Variants in SGCE observed in about 807,000 individuals in gnomAD.
The protein encoded by SGCE is epsilon-sarcoglycan.
SGCE carries 26 observed loss-of-function variants against 57.8 expected under a neutral mutation model. That is an observed-to-expected ratio of 0.45 (90% CI 0.33 to 0.62). The LOEUF (loss-of-function observed/expected upper bound fraction) is 0.62, where lower values mean the gene tolerates loss of function less well. Among genes scored for constraint, SGCE ranks in the 20% least tolerant of loss-of-function variants. SGCE has a pLI of 0.02. For synonymous variants in SGCE, 183 were observed against 189.5 expected (o/e 0.97, Z 0.28); for missense variants, 468 against 548.6 (o/e 0.85, Z 1.47).
chr7:94,613,623 C>G (rs34173737), intron 5 of SGCE, among the ~76,000 whole-genome samples: 20,437 of 152,064 alleles, frequency 0.13, 1,534 homozygotes, highest in South Asian at 0.25. Flanking sequence ...GAGGCCTTTA[C>G]ATTTATAATG....
intron 1 of SGCE, among the ~76,000 whole-genome samples, chr7:94,653,852 G>C (rs1185896151): frequency 6.6e-6 from 1 of 151,782 alleles, no homozygotes; most frequent in Non-Finnish European, 1.5e-5. Context: ...TACTAAGGTT[G>C]TTCATTTAAA....
At chr7:94,612,530 T>C (rs1349804354) in intron 5 of SGCE, among the ~76,000 whole-genome samples, 1 of 152,206 alleles carries the variant, frequency 6.6e-6, no homozygotes, top group African/African-American at 2.4e-5. Context: ...TAAGTACACA[T>C]GATTTATTCC....
At position 94,631,689 on chromosome 7, in the gene SGCE, C is replaced by T. The variant is rs1804753196; in HGVS notation, c.110-1848G>A. Among the ~76,000 whole-genome samples, 4 of 151,566 alleles carry T rather than the reference C, an allele frequency of 2.6e-5. No individual in the cohort carries two copies. In the South Asian group the frequency reaches 6.2e-4, roughly 24 times the overall value. Reference sequence around the variant, plus strand: ...GGGAATTAAGTCAGTAATGCTGGATCCTGGGGTAAATTTAAGGTAGGGGGA... The same window carrying T: ...GGGAATTAAGTCAGTAATGCTGGATTCTGGGGTAAATTTAAGGTAGGGGGA... On this transcript the variant is annotated intron_variant, in intron 1 of 10. Coordinates refer to ENST00000648936, the MANE Select transcript of SGCE (RefSeq NM_003919.3).
chr7:94,594,793 C>T (rs1356135330), intron 9 of SGCE, among the ~76,000 whole-genome samples: 1 of 152,182 alleles, frequency 6.6e-6, no homozygotes, highest in East Asian at 1.9e-4. Flanking sequence ...ACACATTAGC[C>T]AAGATCAAAT....
At chr7:94,590,503 T>C (rs1797532332) in intron 9 of SGCE, 1 of 152,218 alleles carries the variant, frequency 6.6e-6, no homozygotes, top group African/African-American at 2.4e-5. Context: ...AACTTACAGA[T>C]TTAGTTTCAC....
intron 1 of SGCE, among the ~76,000 whole-genome samples, chr7:94,650,265 GACCCT>G (rs1457927825): frequency 6.6e-6 from 1 of 152,180 alleles, no homozygotes; most frequent in Non-Finnish European, 1.5e-5. Context: ...TTGCAGAAGG[GACCCT>G]ATTTCCCTCT....
chr7:94,631,380 G>C (rs1349945157), intron 1 of SGCE, among the ~76,000 whole-genome samples: 2 of 151,770 alleles, frequency 1.3e-5, no homozygotes, highest in Non-Finnish European at 2.9e-5. Context: ...AAGAGACCCT[G>C]CCACTGCTTT....
chr7:94,631,376 C>A (rs1013027513), intron 1 of SGCE, among the ~76,000 whole-genome samples: 1 of 151,716 alleles, frequency 6.6e-6, no homozygotes, highest in Non-Finnish European at 1.5e-5. Context: ...ATGAAAGAGA[C>A]CCTGCCACTG....
In SGCE at chr7:94,596,123, C is replaced by G. The variant is rs569758620; in HGVS notation, c.1253+2652G>C. Among the ~76,000 whole-genome samples the G allele has an allele frequency of 2.0e-5, 3 of 152,122 alleles. No individual in the cohort carries two copies. In the South Asian group the frequency reaches 6.2e-4, roughly 32 times the overall value. On this transcript the variant is annotated intron_variant, in intron 9 of 10. Coordinates refer to ENST00000648936, the MANE Select transcript of SGCE (RefSeq NM_003919.3). Reference sequence around the variant, plus strand: ...AATTGTTGCAAGTTCAATATAATAGCCTATTGCATTTGCAAATAGAGAGAT... The same window carrying G: ...AATTGTTGCAAGTTCAATATAATAGGCTATTGCATTTGCAAATAGAGAGAT...
At chr7:94,603,509 AC>A (rs1213876839) in intron 5 of SGCE, 57 bp from the exon 6 acceptor site, 13 of 1,512,974 alleles carry the variant, frequency 8.6e-6, no homozygotes, top group Non-Finnish European at 1.2e-5. Context: ...ACACTAAAAA[AC>A]AATCCACCTT....
At chr7:94,642,145 G>C (rs1281813131) in intron 1 of SGCE, among the ~76,000 whole-genome samples, 1 of 151,910 alleles carries the variant, frequency 6.6e-6, no homozygotes, top group Non-Finnish European at 1.5e-5. Flanking sequence ...AAAATCCACA[G>C]CACCCCCCAA....
intron 7 of SGCE, chr7:94,599,993 A>C (rs1798970436): frequency 3.0e-6 from 1 of 331,154 alleles, no homozygotes; most frequent in African/African-American, 2.1e-5. Flanking sequence ...ACATAATGAA[A>C]TCAAGCTACA....
rs770713386 is a variant in SGCE, at chr7:94,623,292, A to C, written c.463+33T>G. 2.3e-6 allele frequency: 3 copies of C among 1,298,718 alleles called. No individual in the cohort carries two copies. The Admixed American group carries it at 5.5e-5, about 24-fold the overall frequency. The allele number at this position is 1,298,718 out of a possible 1,614,324, so 80.4% of individuals were successfully genotyped here. A position where few individuals can be genotyped will look rare whatever the true frequency, so the allele number is the denominator to read the frequency against. ...AAAACATAATGAAATACTTCTTATA[A>C]ATAAGAAATGATCAACATATTTTCA... On this transcript the variant is annotated intron_variant, in intron 4 of 10. Transcript: ENST00000648936.
In SGCE at chr7:94,603,349, T is replaced by C. The variant is rs1584546346; in HGVS notation, c.766A>G (p.Ile256Val). Reference protein sequence around the residue: ...LRCSQEMEPVITCDKKFRTQF... With the variant: ...LRCSQEMEPVVTCDKKFRTQF... ...GTACGAAATTTTTTATCACATGTTA[T>C]TACAGGCTCCATTTCTTGACTACAT... Residue 256 changes from isoleucine (I) to valine (V), a missense_variant, in exon 6 of 11, where the codon ATA becomes GTA. Ile to Val is a conservative substitution (Grantham distance 29, BLOSUM62 3). Coordinates refer to ENST00000648936, the MANE Select transcript of SGCE (RefSeq NM_003919.3). The C allele has an allele frequency of 9.3e-6, 15 of 1,612,778 alleles. No individual in the cohort carries two copies. The highest frequency in any genetic ancestry group is 6.7e-5 in the East Asian group (3 of 44,796).
intron 1 of SGCE, among the ~76,000 whole-genome samples, chr7:94,635,355 G>T (rs1007605683): frequency 2.0e-5 from 3 of 152,118 alleles, no homozygotes; most frequent in Non-Finnish European, 4.4e-5. Context: ...GTATGTTGAG[G>T]ATACAAAGAG....
Position 94,604,861 on chromosome 7 carries a change from T to A in SGCE, c.663-1409A>T, listed in dbSNP as rs1456509292. Among the ~76,000 whole-genome samples the A allele has an allele frequency of 4.3e-5, 3 of 69,324 alleles. No homozygotes were observed. The Admixed American group carries it at 4.7e-4, about 11-fold the overall frequency. 45.5% of individuals were successfully genotyped at this position (69,324 alleles called of 152,430 possible). On this transcript the variant is annotated intron_variant, in intron 5 of 10. Coordinates refer to ENST00000648936, the MANE Select transcript of SGCE (RefSeq NM_003919.3). ...TATATATATATATATATATATATAA[T>A]AGTTGTTATAACTAATGGTGCTGGA...
At chr7:94,652,772 T>C (rs1808080810) in intron 1 of SGCE, among the ~76,000 whole-genome samples, 1 of 152,194 alleles carries the variant, frequency 6.6e-6, no homozygotes, top group Non-Finnish European at 1.5e-5. Flanking sequence ...CACTTACTCT[T>C]TGACAACTGG....
intron 1 of SGCE, among the ~76,000 whole-genome samples, chr7:94,648,136 G>T (rs909876490): frequency 3.9e-5 from 6 of 151,996 alleles, no homozygotes; most frequent in Admixed American, 6.6e-5. Flanking sequence ...ACTCTGGGAG[G>T]CTGAGGTGGG....
intron 4 of SGCE, 85 bp downstream of exon 4, chr7:94,623,240 A>G: frequency 1.2e-6 from 1 of 822,496 alleles, no homozygotes; most frequent in Non-Finnish European, 1.9e-6. Flanking sequence ...GCATTTTAAA[A>G]TTCTTGACTA....
Sources: gnomAD v4.1 joint callset for allele counts (sites outside exome capture counted in the v4.1 genomes callset) on GRCh38, gnomAD v4.1.1 for gene constraint, MANE v1.5 for transcripts, NCBI Gene and HGNC (gene_info 2026-07-23, HGNC 2026-07-21) for gene names.